ZCCHC7: variants seen among roughly 807,000 people sequenced by gnomAD.
ZCCHC7 encodes the protein zinc finger CCHC domain-containing protein 7.
Under a neutral mutation model 52.0 loss-of-function variants are expected in ZCCHC7, and 35 were observed. The observed-to-expected ratio is 0.67, with a 90% CI of 0.51 to 0.89. The LOEUF is 0.89. ZCCHC7 is among the 40% of genes least tolerant of loss of function. The pLI is 0.00. For synonymous variants in ZCCHC7, 217 were observed against 221.5 expected, an observed-to-expected ratio of 0.98 and a Z score of 0.18; for missense variants, 574 against 649.1, an observed-to-expected ratio of 0.88 and a Z score of 1.26.
At chr9:37,319,126 T>C (rs983928362) in intron 5 of ZCCHC7, among the ~76,000 whole-genome samples, 1 of 152,158 alleles carries the variant, frequency 6.6e-6, no homozygotes, top group African/African-American at 2.4e-5. Flanking sequence ...CATTTTCTAA[T>C]GGCTAATAAT....
chr9:37,293,836 T>A (rs529957167), intron 2 of ZCCHC7, among the ~76,000 whole-genome samples: 1 of 152,242 alleles, frequency 6.6e-6, no homozygotes, highest in African/African-American at 2.4e-5. Flanking sequence ...ATATGACTAA[T>A]AACTTAGCGA....
chr9:37,321,383 T>C (rs1830048842), intron 5 of ZCCHC7, among the ~76,000 whole-genome samples: 1 of 151,892 alleles, frequency 6.6e-6, no homozygotes, highest in East Asian at 1.9e-4. Context: ...CCCACCTCAG[T>C]CTCCCAAAGT....
intron 1 of ZCCHC7, among the ~76,000 whole-genome samples, chr9:37,122,713 G>A (rs1034892983): frequency 6.6e-6 from 1 of 152,240 alleles, no homozygotes; most frequent in Non-Finnish European, 1.5e-5. Context: ...TCCGAGTGGG[G>A]CGGATCACGA....
intron 2 of ZCCHC7, among the ~76,000 whole-genome samples, chr9:37,193,414 A>C (rs1291420222): frequency 6.6e-6 from 1 of 152,162 alleles, no homozygotes; most frequent in Non-Finnish European, 1.5e-5. Context: ...CTGCATTTTG[A>C]CATCTAGCAG....
intron 2 of ZCCHC7, among the ~76,000 whole-genome samples, chr9:37,215,039 C>T (rs575467892): frequency 2.9e-4 from 44 of 151,930 alleles, no homozygotes; most frequent in Non-Finnish European, 5.6e-4. Flanking sequence ...TTTATGAAAC[C>T]TTTTATTACA....
At chr9:37,187,427 A>G (rs747287149) in intron 2 of ZCCHC7, among the ~76,000 whole-genome samples, 8 of 152,240 alleles carry the variant, frequency 5.3e-5, no homozygotes, top group Non-Finnish European at 1.2e-4. Flanking sequence ...CTGATTTGAC[A>G]GGAGGCGGAG....
intron 2 of ZCCHC7, among the ~76,000 whole-genome samples, chr9:37,206,854 A>G (rs1374851777): frequency 6.6e-6 from 1 of 151,966 alleles, no homozygotes; most frequent in Non-Finnish European, 1.5e-5. Flanking sequence ...CAGGATCACT[A>G]TTCTGCCATG....
At chr9:37,123,687 G>A (rs1842422285) in intron 1 of ZCCHC7, among the ~76,000 whole-genome samples, 1 of 152,116 alleles carries the variant, frequency 6.6e-6, no homozygotes, top group South Asian at 2.1e-4. Flanking sequence ...TTTGTCTTAA[G>A]TCCACACTGG....
At chr9:37,296,292 T>C (rs1361016177) in intron 2 of ZCCHC7, among the ~76,000 whole-genome samples, 1 of 152,190 alleles carries the variant, frequency 6.6e-6, no homozygotes, top group Non-Finnish European at 1.5e-5. Flanking sequence ...ATATTACAAA[T>C]GTAAAAAAGA....
chr9:37,234,827 A>C (rs977524179), intron 2 of ZCCHC7, among the ~76,000 whole-genome samples: 1 of 152,194 alleles, frequency 6.6e-6, no homozygotes, highest in Non-Finnish European at 1.5e-5. Flanking sequence ...TAACTTTATG[A>C]AAATATTTTA....
chr9:37,326,530 C>T (rs1399220301), intron 5 of ZCCHC7, among the ~76,000 whole-genome samples: 1 of 150,386 alleles, frequency 6.6e-6, no homozygotes, highest in Non-Finnish European at 1.5e-5. Flanking sequence ...TAGGAAATTA[C>T]ACAGGAAAGT....
chr9:37,275,565 C>A (rs1199336614), intron 2 of ZCCHC7, among the ~76,000 whole-genome samples: 1 of 152,098 alleles, frequency 6.6e-6, no homozygotes, highest in Non-Finnish European at 1.5e-5. Context: ...TCAGGTAATA[C>A]ATGTAGGAGT....
At chr9:37,161,246 G>A (rs1821085224) in intron 2 of ZCCHC7, among the ~76,000 whole-genome samples, 1 of 152,054 alleles carries the variant, frequency 6.6e-6, no homozygotes, top group Non-Finnish European at 1.5e-5. Context: ...ACCATGCCTG[G>A]CCAAGGAATC....
chr9:37,322,425 A>G (rs1384069886), intron 5 of ZCCHC7: 1 of 152,118 alleles, frequency 6.6e-6, no homozygotes, highest in African/African-American at 2.4e-5. Context: ...CCATTAAACA[A>G]TGTTTAAGCA....
chr9:37,324,877 T>C (rs544406579), intron 5 of ZCCHC7, among the ~76,000 whole-genome samples: 1 of 152,314 alleles, frequency 6.6e-6, no homozygotes, highest in African/African-American at 2.4e-5. Context: ...GGGCCTTGTC[T>C]ATTGAGCACT....
intron 2 of ZCCHC7, among the ~76,000 whole-genome samples, chr9:37,175,026 A>G (rs1053105882): frequency 4.0e-5 from 6 of 151,774 alleles, no homozygotes; most frequent in Non-Finnish European, 5.9e-5. Context: ...GATTCCAGCT[A>G]CCAGAAGGCT....
chr9:37,208,098 G>A (rs1001167300), intron 2 of ZCCHC7, among the ~76,000 whole-genome samples: 4 of 151,904 alleles, frequency 2.6e-5, no homozygotes, highest in Non-Finnish European at 5.9e-5. Context: ...TTCTGCTTTT[G>A]TTTGTTTGTT....
intron 2 of ZCCHC7, among the ~76,000 whole-genome samples, chr9:37,274,386 C>G (rs944853955): frequency 8.1e-6 from 1 of 123,300 alleles, no homozygotes; most frequent in Non-Finnish European, 1.6e-5. Context: ...GTTGCTCAGG[C>G]AGGAGCACAG....
At chr9:37,276,566 C>T (rs1564219653) in intron 2 of ZCCHC7, among the ~76,000 whole-genome samples, 1 of 151,976 alleles carries the variant, frequency 6.6e-6, no homozygotes, top group Non-Finnish European at 1.5e-5. Flanking sequence ...CCTAGCAGTC[C>T]CTCAATAGAT....
Sources: gnomAD v4.1 joint callset for allele counts (sites outside exome capture counted in the v4.1 genomes callset) on GRCh38, gnomAD v4.1.1 for gene constraint, MANE v1.5 for transcripts, NCBI Gene and HGNC (gene_info 2026-07-23, HGNC 2026-07-21) for gene names.